PDGFD: variants seen among roughly 807,000 people sequenced by gnomAD.
PDGFD encodes the protein platelet-derived growth factor D.
PDGFD carries 30 observed loss-of-function variants against 44.7 expected under a neutral mutation model. That is an observed-to-expected ratio of 0.67 (90% confidence interval 0.50 to 0.91). PDGFD has a LOEUF of 0.91. PDGFD is among the 40% of genes least tolerant of loss of function. PDGFD has a pLI of 0.00. For synonymous variants in PDGFD, 173 were observed against 168.4 expected (o/e 1.03, Z -0.21); for missense variants, 445 against 457.8 (o/e 0.97, Z 0.25).
At chr11:103,942,950 A>G (rs1048978766) in intron 5 of PDGFD, among the ~76,000 whole-genome samples, 1 of 152,134 alleles carries the variant, frequency 6.6e-6, no homozygotes. Context: ...GCTGGTTCAG[A>G]TAATTTTTAT....
At chr11:104,079,374 C>G (rs1316207805) in intron 1 of PDGFD, among the ~76,000 whole-genome samples, 1 of 136,550 alleles carries the variant, frequency 7.3e-6, no homozygotes, top group African/African-American at 2.6e-5. Flanking sequence ...GGGCCAATTT[C>G]TTTTCTTTTC....
intron 1 of PDGFD, among the ~76,000 whole-genome samples, chr11:104,122,894 T>C (rs1861796924): frequency 6.6e-6 from 1 of 151,918 alleles, no homozygotes; most frequent in African/African-American, 2.4e-5. Context: ...AGAAATTTTA[T>C]ATCAGAAAAA....
chr11:104,052,178 A>G (rs1446107510), intron 1 of PDGFD, among the ~76,000 whole-genome samples: 2 of 152,152 alleles, frequency 1.3e-5, no homozygotes, highest in African/African-American at 4.8e-5. Context: ...TCCATATTGT[A>G]GCATGTATCA....
intron 6 of PDGFD, among the ~76,000 whole-genome samples, chr11:103,919,238 C>T (rs1452611259): frequency 6.6e-6 from 1 of 152,152 alleles, no homozygotes; most frequent in African/African-American, 2.4e-5. Context: ...TACCTCATCA[C>T]AAAAGATATT....
rs1318454123 is a variant in PDGFD at position 104,163,857 on chromosome 11, G to A, written c.71C>T (p.Thr24Ile). 1.3e-6 allele frequency: 2 copies of A among 1,578,574 alleles called. No individual in the cohort carries two copies. The highest frequency in any genetic ancestry group is 1.1e-5 in the South Asian group (1 of 87,110). ...AGCTTTGATGGATGCGCTCTGCGGG[G>A]TTGCAGAAGTGTCCCGACAGCTGCA... ...NFCSCRDTSATPQSASIKALR... is the reference protein window; with the variant it reads ...NFCSCRDTSAIPQSASIKALR... The change falls in exon 1 of 7, where the codon ACC becomes ATC. Residue 24 changes from threonine (T) to isoleucine (I), a missense_variant. Coordinates refer to ENST00000393158, the MANE Select transcript of PDGFD (RefSeq NM_025208.5).
chr11:104,059,702 C>T (rs566315692), intron 1 of PDGFD, among the ~76,000 whole-genome samples: 1 of 152,308 alleles, frequency 6.6e-6, no homozygotes, highest in East Asian at 1.9e-4. Flanking sequence ...CTTGAACAGC[C>T]TTCCTCCCTG....
intron 1 of PDGFD, among the ~76,000 whole-genome samples, chr11:104,045,022 A>G (rs1860418081): frequency 6.6e-6 from 1 of 152,134 alleles, no homozygotes; most frequent in South Asian, 2.1e-4. Context: ...TCGGCGACAG[A>G]GGGAGACTCT....
In PDGFD at chr11:104,025,219, C is replaced by T. The variant is rs183740047; in HGVS notation, c.125-24964G>A. 8.5e-5 allele frequency among the ~76,000 whole-genome samples: 13 copies of T among 152,214 alleles called. No individual in the cohort carries two copies. In the East Asian group the frequency reaches 2.3e-3, roughly 27 times the overall value. Reference sequence around the variant, plus strand: ...CAGGCACTTTGAAATCTGAATCAGCCAATTTAGAGCAACAGTTGAGAACAC... The same window carrying T: ...CAGGCACTTTGAAATCTGAATCAGCTAATTTAGAGCAACAGTTGAGAACAC... On this transcript the variant is annotated intron_variant, in intron 1 of 6. Transcript: ENST00000393158.
chr11:103,972,668 T>C (rs1859121101), intron 3 of PDGFD, among the ~76,000 whole-genome samples: 1 of 152,144 alleles, frequency 6.6e-6, no homozygotes, highest in African/African-American at 2.4e-5. Context: ...ATATTAATGA[T>C]AGGTTCACAC....
intron 1 of PDGFD, among the ~76,000 whole-genome samples, chr11:104,146,889 C>T (rs1215983906): frequency 1.3e-5 from 2 of 151,660 alleles, no homozygotes; most frequent in Admixed American, 1.3e-4. Flanking sequence ...AAATCTTTAT[C>T]CTTACAGAGC....
chr11:104,117,935 A>G (rs374903751), intron 1 of PDGFD, among the ~76,000 whole-genome samples: 7 of 151,996 alleles, frequency 4.6e-5, no homozygotes, highest in African/African-American at 1.7e-4. Context: ...AAGCAAGACT[A>G]AGCAAAGAGA....
At chr11:104,097,993 T>C (rs1861309828) in intron 1 of PDGFD, among the ~76,000 whole-genome samples, 1 of 152,172 alleles carries the variant, frequency 6.6e-6, no homozygotes, top group Non-Finnish European at 1.5e-5. Flanking sequence ...AAGCCCTGAA[T>C]ACTTTGAATA....
intron 4 of PDGFD, 74 bp downstream of exon 4, chr11:103,947,588 T>C (rs1858684191): frequency 8.8e-7 from 1 of 1,136,802 alleles, no homozygotes; most frequent in Admixed American, 1.7e-5. Flanking sequence ...TTAATGCAGG[T>C]GAAGTCCTTT....
At chr11:103,981,445 T>G (rs1313801437) in intron 3 of PDGFD, among the ~76,000 whole-genome samples, 1 of 151,746 alleles carries the variant, frequency 6.6e-6, no homozygotes, top group Non-Finnish European at 1.5e-5. Flanking sequence ...CGAAGACATT[T>G]AATGGTAATA....
At chr11:104,023,925 C>T (rs147717814) in intron 1 of PDGFD, among the ~76,000 whole-genome samples, 108 of 152,202 alleles carry the variant, frequency 7.1e-4, no homozygotes, top group East Asian at 4.4e-3. Flanking sequence ...GCAAACATTG[C>T]TAATATAAGA....
In PDGFD at chr11:103,950,139, T is replaced by C. The variant is rs542270864; in HGVS notation, c.511-2415A>G. 2.0e-5 allele frequency among the ~76,000 whole-genome samples: 3 copies of C among 152,140 alleles called. No individual in the cohort carries two copies. The East Asian group carries it at 5.8e-4, about 29-fold the overall frequency. On this transcript the variant is annotated intron_variant, in intron 3 of 6. Coordinates refer to ENST00000393158, the MANE Select transcript of PDGFD (RefSeq NM_025208.5). ...GGGAAGTATCAACACAAAAATGCAA[T>C]TCAACAAAGTAAAGGGTTATGTTGA... is the stretch of plus-strand genomic sequence containing the variant.
chr11:104,007,085 C>G (rs1471892678), intron 1 of PDGFD, among the ~76,000 whole-genome samples: 4 of 152,164 alleles, frequency 2.6e-5, no homozygotes, highest in Admixed American at 1.3e-4. Flanking sequence ...GCGTGCTCCC[C>G]CTCCTGTAAG....
chr11:104,063,314 G>T (rs548665749), intron 1 of PDGFD, among the ~76,000 whole-genome samples: 1 of 151,788 alleles, frequency 6.6e-6, no homozygotes, highest in Non-Finnish European at 1.5e-5. Context: ...AGACGTGTGT[G>T]TGTGTGAGAG....
At chr11:104,017,154 T>G (rs1253207688) in intron 1 of PDGFD, among the ~76,000 whole-genome samples, 1 of 152,160 alleles carries the variant, frequency 6.6e-6, no homozygotes, top group Non-Finnish European at 1.5e-5. Context: ...GTGCCATCTA[T>G]ACATCAGGTA....
Sources: gnomAD v4.1 joint callset for allele counts (sites outside exome capture counted in the v4.1 genomes callset) on GRCh38, gnomAD v4.1.1 for gene constraint, MANE v1.5 for transcripts, NCBI Gene and HGNC (gene_info 2026-07-23, HGNC 2026-07-21) for gene names.